SGK1: variants seen among roughly 807,000 people sequenced by gnomAD.
SGK1 encodes serum/glucocorticoid regulated kinase 1, also known as serine/threonine-protein kinase Sgk1.
A neutral mutation model predicts 64.2 loss-of-function variants in SGK1; 26 were observed. The observed-to-expected ratio is 0.40, with a 90% CI of 0.30 to 0.56. SGK1 has a LOEUF of 0.56. SGK1 is among the 20% of genes least tolerant of loss of function. The pLI is 0.38. For missense variants in SGK1, 519 were observed against 645.6 expected, an observed-to-expected ratio of 0.80 and a Z score of 2.12; for synonymous variants, 265 against 239.7, an observed-to-expected ratio of 1.11 and a Z score of -0.98.
chr6:134,203,151 G>A (rs959635458), intron 3 of SGK1, among the ~76,000 whole-genome samples: 7 of 152,200 alleles, frequency 4.6e-5, no homozygotes, highest in Non-Finnish European at 1.0e-4. Context: ...GCTGAGACAG[G>A]AGAATTACTT....
chr6:134,178,407 G>A (rs982242580), intron 3 of SGK1, among the ~76,000 whole-genome samples: 1 of 152,212 alleles, frequency 6.6e-6, no homozygotes, highest in African/African-American at 2.4e-5. Context: ...ACACGGCGGA[G>A]GGGTGCTTGA....
At chr6:134,252,907 A>AT (rs555199071) in intron 2 of SGK1, among the ~76,000 whole-genome samples, 233 of 152,082 alleles carry the variant, frequency 1.5e-3, no homozygotes, top group African/African-American at 5.3e-3. Flanking sequence ...CCTATATAAA[A>AT]TTTTTTTTGA....
At chr6:134,314,427 T>A (rs1373255546) in intron 1 of SGK1, among the ~76,000 whole-genome samples, 1 of 152,184 alleles carries the variant, frequency 6.6e-6, no homozygotes, top group Non-Finnish European at 1.5e-5. Flanking sequence ...AATCAAAAAG[T>A]CTGGATTACG....
At chr6:134,258,857 T>C (rs1776722445) in intron 2 of SGK1, among the ~76,000 whole-genome samples, 1 of 151,968 alleles carries the variant, frequency 6.6e-6, no homozygotes, top group African/African-American at 2.4e-5. Context: ...TAGTGGTGCA[T>C]GGGGCGTGTA....
intron 1 of SGK1, among the ~76,000 whole-genome samples, chr6:134,275,420 C>T (rs1467755827): frequency 6.6e-6 from 1 of 152,218 alleles, no homozygotes; most frequent in African/African-American, 2.4e-5. Context: ...TGCTACCTAG[C>T]TTTAAACTCC....
intron 2 of SGK1, among the ~76,000 whole-genome samples, chr6:134,225,023 A>C (rs933960282): frequency 3.5e-5 from 5 of 142,028 alleles, no homozygotes; most frequent in Non-Finnish European, 6.3e-5. Flanking sequence ...AAAAAAAAAA[A>C]GAAAAAAGAA....
chr6:134,240,051 G>C (rs77338016), intron 2 of SGK1, among the ~76,000 whole-genome samples: 2,586 of 152,230 alleles, frequency 0.017, 86 homozygotes, highest in African/African-American at 0.059. Context: ...CAGCACGTTG[G>C]GGGGCCATGA....
Position 134,272,112 on chromosome 6 carries a change from G to A in SGK1, c.70-9964C>T, listed in dbSNP as rs1323701591. 8.7e-5 allele frequency among the ~76,000 whole-genome samples: 12 copies of A among 138,462 alleles called. 1 individual carries two copies. In the South Asian group the frequency reaches 1.4e-3, roughly 17 times the overall value. 90.8% of individuals were successfully genotyped at this position (138,462 alleles called of 152,430 possible). A position where few individuals can be genotyped will look rare whatever the true frequency, so the allele number is the denominator to read the frequency against. On this transcript the variant is annotated intron_variant, in intron 1 of 13. Transcript: ENST00000367858. ...CTGCCTCGACCTCCCAAAGTGCTGG[G>A]ATTACAGGCATGAGCCACCGTGCCC...
chr6:134,290,428 CA>C (rs368273292), intron 1 of SGK1, among the ~76,000 whole-genome samples: 40 of 130,828 alleles, frequency 3.1e-4, no homozygotes, highest in Admixed American at 3.1e-4. Flanking sequence ...GATTTTCTGT[CA>C]AAAAAAAAAA....
chr6:134,282,390 T>C (rs1199009496), intron 1 of SGK1, among the ~76,000 whole-genome samples: 1 of 152,146 alleles, frequency 6.6e-6, no homozygotes, highest in Admixed American at 6.5e-5. Context: ...TGCTGGCTCA[T>C]GCCTGTAGTC....
intron 1 of SGK1, among the ~76,000 whole-genome samples, chr6:134,285,135 C>T (rs1182886614): frequency 1.3e-5 from 2 of 151,770 alleles, no homozygotes; most frequent in African/African-American, 4.8e-5. Flanking sequence ...AGTGGTTGCA[C>T]TAGTTTACAT....
intron 2 of SGK1, among the ~76,000 whole-genome samples, chr6:134,251,947 G>T (rs942478504): frequency 2.0e-5 from 3 of 152,214 alleles, no homozygotes; most frequent in East Asian, 1.9e-4. Flanking sequence ...GTAGTGATGG[G>T]AGTCTTTCTA....
At chr6:134,245,868 C>T (rs1486311767) in intron 2 of SGK1, among the ~76,000 whole-genome samples, 1 of 152,188 alleles carries the variant, frequency 6.6e-6, no homozygotes, top group Non-Finnish European at 1.5e-5. Context: ...GTCTTAACAA[C>T]TAAGCAAAGA....
intron 3 of SGK1, among the ~76,000 whole-genome samples, chr6:134,206,283 C>T (rs1375120846): frequency 7.0e-6 from 1 of 143,200 alleles, no homozygotes; most frequent in African/African-American, 2.6e-5. Context: ...TAGACTCATT[C>T]CTCATTCCTC....
intron 1 of SGK1, among the ~76,000 whole-genome samples, chr6:134,302,155 A>ACAAAATTTC (rs1367091836): frequency 1.3e-5 from 2 of 152,216 alleles, no homozygotes; most frequent in African/African-American, 2.4e-5. Context: ...AGATTAGAAA[A>ACAAAATTTC]CAAAATTTCA....
At chr6:134,256,088 C>CTTTTTTTTT (rs68106923) in intron 2 of SGK1, among the ~76,000 whole-genome samples, 3 of 139,236 alleles carry the variant, frequency 2.2e-5, no homozygotes, top group Admixed American at 7.2e-5. Flanking sequence ...GTCCTTTTTC[C>CTTTTTTTTT]TTTTTTTTTT....
chr6:134,258,558 C>T (rs1160075065), intron 2 of SGK1, among the ~76,000 whole-genome samples: 2 of 151,932 alleles, frequency 1.3e-5, no homozygotes, highest in East Asian at 3.9e-4. Flanking sequence ...CACAAAAATT[C>T]GCCAGGCGTG....
chr6:134,317,449 T>G lies in SGK1; in HGVS notation c.12A>C (p.Lys4Asn), dbSNP rs1385611574. MVN[K>N]DMNGFPVKKC... ...TCTTGACTGGGAATCCATTCATGTC[T>G]TTGTTTACCATTTTCCACCGTGGGG... Residue 4 changes from lysine to asparagine, a missense_variant, in exon 1 of 14, where the codon AAA becomes AAC. Around this residue, in one of 2 missense-constraint regions of SGK1, gnomAD observed 241 missense variants for 236.9 expected, o/e 1.02. Coordinates refer to ENST00000367858, the MANE Select transcript of SGK1 (RefSeq NM_001143676.3). 2.5e-6 allele frequency: 4 copies of G among 1,608,838 alleles called. No individual in the cohort carries two copies. Among genetic ancestry groups the G allele is most frequent in the Non-Finnish European group, 3.4e-6 (4 of 1,175,204 alleles).
intron 1 of SGK1, among the ~76,000 whole-genome samples, chr6:134,277,871 T>C (rs1242726889): frequency 1.3e-5 from 2 of 152,228 alleles, no homozygotes; most frequent in African/African-American, 4.8e-5. Flanking sequence ...ACAAGTGATT[T>C]GGATTTCCTC....
Sources: gnomAD v4.1 joint callset for allele counts (sites outside exome capture counted in the v4.1 genomes callset) on GRCh38, gnomAD v4.1.1 for gene constraint, gnomAD v4.1.1 regional missense constraint, MANE v1.5 for transcripts, NCBI Gene and HGNC (gene_info 2026-07-23, HGNC 2026-07-21) for gene names.